EIF4G3: variants seen among roughly 807,000 people sequenced by gnomAD.
The protein encoded by EIF4G3 is eukaryotic translation initiation factor 4 gamma 3.
In EIF4G3, 34 loss-of-function variants were observed where a neutral mutation model predicts 186.4. The ratio of observed to expected loss-of-function variants is 0.18; its 90% CI spans 0.14 to 0.24. The LOEUF is 0.24. EIF4G3 is among the 10% of genes least tolerant of loss of function. EIF4G3 has a pLI of 1.00. For synonymous variants in EIF4G3, 673 were observed against 679.5 expected (o/e 0.99, Z 0.15); for missense variants, 1,536 against 1,948.5 (o/e 0.79, Z 3.99).
At chr1:20,913,665 T>C (rs1378455374) in intron 14 of EIF4G3, among the ~76,000 whole-genome samples, 1 of 152,208 alleles carries the variant, frequency 6.6e-6, no homozygotes. Flanking sequence ...CTTTTGGTTT[T>C]ATAAATTTTT....
At chr1:20,962,916 T>G (rs1317027208) in intron 12 of EIF4G3, among the ~76,000 whole-genome samples, 4 of 142,130 alleles carry the variant, frequency 2.8e-5, no homozygotes, top group Admixed American at 6.8e-5. Flanking sequence ...TTGTTTTTTT[T>G]TTGTTTTTTT....
chr1:20,895,684 T>C (rs2087735690), intron 16 of EIF4G3, among the ~76,000 whole-genome samples, 183 bp from the exon 17 acceptor site: 1 of 152,230 alleles, frequency 6.6e-6, no homozygotes, highest in Non-Finnish European at 1.5e-5. Context: ...TATCCTCATG[T>C]GGCAGCACAA....
At chr1:20,907,342 A>T (rs2092375820) in intron 14 of EIF4G3, among the ~76,000 whole-genome samples, 1 of 152,138 alleles carries the variant, frequency 6.6e-6, no homozygotes, top group Non-Finnish European at 1.5e-5. Flanking sequence ...ATAAAAACAA[A>T]AATACAAAAA....
intron 7 of EIF4G3, among the ~76,000 whole-genome samples, chr1:20,989,289 C>G (rs2080423669): frequency 6.6e-6 from 1 of 151,432 alleles, no homozygotes; most frequent in East Asian, 1.9e-4. Flanking sequence ...GGCACAGTGG[C>G]TCACGCTTGT....
At chr1:20,864,302 C>G (rs1055646850) in intron 22 of EIF4G3, among the ~76,000 whole-genome samples, 174 bp downstream of exon 22, 2 of 152,154 alleles carry the variant, frequency 1.3e-5, no homozygotes, top group Non-Finnish European at 2.9e-5. Flanking sequence ...ATCTCTGACT[C>G]TGATGGAAAT....
At chr1:21,091,450 C>T (rs1433508550) in intron 2 of EIF4G3, among the ~76,000 whole-genome samples, 3 of 152,130 alleles carry the variant, frequency 2.0e-5, no homozygotes, top group Admixed American at 2.0e-4. Context: ...CATAAGCCAC[C>T]GCACCTGACC....
At chr1:21,052,287 C>G (rs1319464839) in intron 3 of EIF4G3, among the ~76,000 whole-genome samples, 3 of 152,170 alleles carry the variant, frequency 2.0e-5, no homozygotes, top group Non-Finnish European at 4.4e-5. Flanking sequence ...TACACTAATG[C>G]AGACTTAACA....
At chr1:20,961,873 T>A (rs1211419565) in intron 12 of EIF4G3, among the ~76,000 whole-genome samples, 3 of 152,238 alleles carry the variant, frequency 2.0e-5, no homozygotes, top group Admixed American at 2.0e-4. Context: ...TTTAATTTAG[T>A]AACCACTATT....
At chr1:21,046,640 C>A (rs575180793) in intron 4 of EIF4G3, among the ~76,000 whole-genome samples, 1 of 152,288 alleles carries the variant, frequency 6.6e-6, no homozygotes, top group South Asian at 2.1e-4. Flanking sequence ...ACTGTCACAT[C>A]AAAAAGGACA....
rs1379961907 is a variant in EIF4G3 at position 21,120,047 on chromosome 1, C to T, written c.-271-30834G>A. Among the ~76,000 whole-genome samples, 4 of 151,460 alleles carry T rather than the reference C, an allele frequency of 2.6e-5. No individual in the cohort carries two copies. In the Admixed American group the frequency reaches 2.6e-4, roughly 10 times the overall value. The stretch of plus-strand genomic sequence containing the variant: ...TGAAGACTGTTGGTGAAAGTTATAA[C>T]ACGGAATATAAATATACCAAATTCT... On this transcript the variant is annotated intron_variant, in intron 2 of 36. Transcript: ENST00000602326.
chr1:20,889,477 C>A (rs2085259547), intron 18 of EIF4G3, among the ~76,000 whole-genome samples: 1 of 152,166 alleles, frequency 6.6e-6, no homozygotes, highest in Non-Finnish European at 1.5e-5. Flanking sequence ...ACTACTAACA[C>A]AACTGATAAG....
intron 17 of EIF4G3, among the ~76,000 whole-genome samples, chr1:20,894,650 G>T (rs1412536757): frequency 1.3e-5 from 2 of 152,108 alleles, no homozygotes; most frequent in African/African-American, 4.8e-5. Flanking sequence ...GCATAAATCG[G>T]TTAAGAGGTA....
intron 32 of EIF4G3, among the ~76,000 whole-genome samples, chr1:20,826,481 C>CTTTTTTT (rs71014120): frequency 9.9e-5 from 5 of 50,634 alleles, no homozygotes; most frequent in Non-Finnish European, 1.7e-4. Flanking sequence ...GTGAGTCTTT[C>CTTTTTTT]TTTTTTTTTT....
At chr1:20,829,075 G>C in intron 31 of EIF4G3, 72 bp downstream of exon 31, 1 of 1,532,198 alleles carries the variant, frequency 6.5e-7, no homozygotes, top group South Asian at 1.2e-5. Context: ...ACAGTACTAT[G>C]ATAGAGAGCT....
At chr1:20,996,553 C>G (rs1356469750) in intron 7 of EIF4G3, among the ~76,000 whole-genome samples, 1 of 152,072 alleles carries the variant, frequency 6.6e-6, no homozygotes, top group Non-Finnish European at 1.5e-5. Flanking sequence ...CACTGGAAGC[C>G]TTCAACTAAA....
chr1:21,159,348 G>T (rs539375781), intron 2 of EIF4G3, among the ~76,000 whole-genome samples: 1 of 152,040 alleles, frequency 6.6e-6, no homozygotes, highest in South Asian at 2.1e-4. Context: ...GCTAAAATGG[G>T]AGGATCCCTT....
intron 2 of EIF4G3, among the ~76,000 whole-genome samples, chr1:21,097,460 T>A (rs757090220): frequency 4.6e-5 from 7 of 152,206 alleles, no homozygotes; most frequent in Non-Finnish European, 8.8e-5. Flanking sequence ...TTGCTATATG[T>A]CACCTCAGGT....
In EIF4G3 at chr1:20,807,188, CT is replaced by C. The variant is rs2058229108; in HGVS notation, c.*130del. The C allele has an allele frequency of 1.4e-6, 1 of 698,946 alleles. No homozygotes were observed. Among genetic ancestry groups the C allele is most frequent in the African/African-American group, 1.8e-5 (1 of 55,538 alleles). The allele number at this position is 698,946 out of a possible 1,614,324, so 43.3% of individuals were successfully genotyped here. The stretch of plus-strand genomic sequence containing the variant: ...ATGATCACCTTTTTTTCTCTTTCCC[CT>C]CTCCCACTCGTGCACACGTGGGGGT... On this transcript the variant is annotated 3_prime_UTR_variant, in exon 37 of 37. Transcript: ENST00000602326.
At chr1:21,046,115 T>C (rs2093872206) in intron 4 of EIF4G3, among the ~76,000 whole-genome samples, 1 of 152,220 alleles carries the variant, frequency 6.6e-6, no homozygotes, top group African/African-American at 2.4e-5. Flanking sequence ...CACCAAAAGG[T>C]ACTTTTAAAT....
Sources: allele counts gnomAD v4.1 joint callset (sites outside exome capture counted in the v4.1 genomes callset), GRCh38; gene constraint gnomAD v4.1.1; transcripts MANE v1.5; gene names NCBI Gene and HGNC (gene_info 2026-07-23, HGNC 2026-07-21).